MAP7D2: variants seen among roughly 807,000 people sequenced by gnomAD.
The protein encoded by MAP7D2 is MAP7 domain-containing protein 2.
A neutral mutation model predicts 63.5 loss-of-function variants in MAP7D2; 33 were observed. The ratio of observed to expected loss-of-function variants is 0.52; its 90% confidence interval spans 0.39 to 0.70. The LOEUF (loss-of-function observed/expected upper bound fraction) is 0.70, where lower values mean the gene tolerates loss of function less well. MAP7D2 is among the 30% of genes least tolerant of loss of function. The pLI is 0.00. For missense variants in MAP7D2, 626 were observed against 604.0 expected (o/e 1.04, Z -0.38); for synonymous variants, 224 against 223.7 (o/e 1.00, Z -0.01).
chrX:20,039,824 C>A (rs1381386404), intron 8 of MAP7D2, among the ~76,000 whole-genome samples: 1 of 109,758 alleles, frequency 9.1e-6, no homozygotes, highest in Admixed American at 9.7e-5. Context: ...TGTGGTGAAA[C>A]CCCGTCTCTA....
chrX:20,103,300 C>A (rs1364251208), intron 1 of MAP7D2, among the ~76,000 whole-genome samples: 1 of 112,372 alleles, frequency 8.9e-6, no homozygotes, highest in Non-Finnish European at 1.9e-5. Context: ...CCAGTTTTTA[C>A]TCTTCAGTTG....
At chrX:20,037,255 G>A (rs767755590) in intron 8 of MAP7D2, among the ~76,000 whole-genome samples, 1 of 111,400 alleles carries the variant, frequency 9.0e-6, no homozygotes, top group African/African-American at 3.3e-5. Context: ...GACCTATCTA[G>A]CCATAAAGTG....
At chrX:20,044,343 G>A (rs2064738757) in intron 7 of MAP7D2, 21 bp downstream of exon 7, 4 of 1,202,780 alleles carry the variant, frequency 3.3e-6, no homozygotes, top group East Asian at 3.0e-5. Context: ...GGAGTGAGTG[G>A]GTGGGTGGTT....
rs1241307896 is a variant in MAP7D2 at position 20,053,126 on chromosome X, T to C, written c.485-138A>G. The C allele has an allele frequency of 1.3e-5, 6 of 462,618 alleles. No homozygotes were observed. In the South Asian group the frequency reaches 2.0e-4, roughly 15 times the overall value. 38.1% of individuals were successfully genotyped at this position (462,618 alleles called of 1,213,427 possible). A position where few individuals can be genotyped will look rare whatever the true frequency, so the allele number is the denominator to read the frequency against. Reference sequence around the variant, plus strand: ...GGCACAGCATGCTCTGCTTTCATCATCCTGGCATCTCATTATCCTACTCTA... The same window carrying C: ...GGCACAGCATGCTCTGCTTTCATCACCCTGGCATCTCATTATCCTACTCTA... On this transcript the variant is annotated intron_variant, in intron 4 of 16. Coordinates refer to ENST00000379643, the MANE Select transcript of MAP7D2 (RefSeq NM_001168465.2).
chrX:20,065,678 T>G (rs1190011415), intron 1 of MAP7D2, among the ~76,000 whole-genome samples: 2 of 111,673 alleles, frequency 1.8e-5, no homozygotes, highest in East Asian at 5.6e-4. Context: ...TCTTAGTATC[T>G]TAGAATCATC....
At position 20,012,649 on chromosome X, in the gene MAP7D2, T is replaced by A. The variant is rs929112377; in HGVS notation, c.1886-114A>T. The A allele has an allele frequency of 4.9e-6, 3 of 617,759 alleles. No homozygotes were observed. The African/African-American group carries it at 6.8e-5, about 14-fold the overall frequency. 50.9% of individuals were successfully genotyped at this position (617,759 alleles called of 1,213,427 possible). A position where few individuals can be genotyped will look rare whatever the true frequency, so the allele number is the denominator to read the frequency against. ...GCTCTGCTTCACTGATACTGCAGCA[T>A]CTTTTGTGGAAAGAGCCACAAATAA... is the stretch of plus-strand genomic sequence containing the variant. On this transcript the variant is annotated intron_variant, in intron 14 of 16. Coordinates refer to ENST00000379643, the MANE Select transcript of MAP7D2 (RefSeq NM_001168465.2).
chrX:20,024,914 A>C (rs750463486), intron 10 of MAP7D2, 37 bp downstream of exon 10: 2 of 1,193,943 alleles, frequency 1.7e-6, no homozygotes, highest in Non-Finnish European at 1.1e-6. Flanking sequence ...CACAACAGTT[A>C]CATGAGATCA....
intron 4 of MAP7D2, chrX:20,055,819 AT>A: frequency 1.0e-6 from 1 of 984,028 alleles, no homozygotes; most frequent in African/African-American, 2.0e-5. Flanking sequence ...GGGGTGGGGT[AT>A]TTTCTGATTC....
intron 6 of MAP7D2, among the ~76,000 whole-genome samples, chrX:20,050,569 C>G (rs925986541): frequency 8.9e-6 from 1 of 111,856 alleles, no homozygotes; most frequent in African/African-American, 3.3e-5. Flanking sequence ...AGTCTACTAA[C>G]CTCCAGAGTT....
At chrX:20,105,837 C>T (rs957169943) in intron 1 of MAP7D2, among the ~76,000 whole-genome samples, 4 of 112,186 alleles carry the variant, frequency 3.6e-5, no homozygotes, top group African/African-American at 1.3e-4. Flanking sequence ...TTTTTCAATA[C>T]CATGCTTTCT....
intron 1 of MAP7D2, among the ~76,000 whole-genome samples, chrX:20,101,776 T>C (rs775607654): frequency 1.8e-5 from 2 of 112,075 alleles, no homozygotes; most frequent in South Asian, 7.4e-4. Context: ...AGACATAATG[T>C]CAAGTGAAAA....
intron 5 of MAP7D2, among the ~76,000 whole-genome samples, chrX:20,052,188 T>C (rs1328501856): frequency 8.9e-6 from 1 of 112,490 alleles, no homozygotes; most frequent in Non-Finnish European, 1.9e-5. Context: ...ATTTAGTGCA[T>C]GGAGAGCTTC....
At chrX:20,116,643 C>G (rs747585844) in intron 1 of MAP7D2, 107 bp downstream of exon 1, 2 of 1,031,459 alleles carry the variant, frequency 1.9e-6, no homozygotes, top group South Asian at 6.1e-5. Context: ...AGCTCTGCGC[C>G]GTGCCCCTTC....
intron 6 of MAP7D2, among the ~76,000 whole-genome samples, chrX:20,047,746 G>T (rs1205758766): frequency 9.1e-6 from 1 of 109,609 alleles, no homozygotes; most frequent in Non-Finnish European, 1.9e-5. Flanking sequence ...AGCCTAGGAG[G>T]TTGAGGCCAC....
intron 1 of MAP7D2, among the ~76,000 whole-genome samples, chrX:20,069,068 G>T (rs2065431480): frequency 8.9e-6 from 1 of 112,061 alleles, no homozygotes; most frequent in African/African-American, 3.2e-5. Flanking sequence ...TTTATCAGCA[G>T]TGTGAAAATA....
In MAP7D2 at chrX:20,012,352, A is replaced by T. The variant is rs764596048; in HGVS notation, c.2069T>A (p.Val690Glu). 148 of 1,183,647 alleles carry T rather than the reference A, an allele frequency of 1.3e-4. No individual in the cohort carries two copies. The highest frequency in any genetic ancestry group is 2.4e-4 in the Middle Eastern group (1 of 4,205). Residue 690 changes from valine (V) to glutamate (E), a missense_variant, in exon 15 of 17, where the codon GTG becomes GAG. Physicochemically the swap from Val to Glu is moderately radical, Grantham distance 121. Transcript: ENST00000379643. ...DSTEEVQSMD[V>E]SPVSKEELIS... The stretch of plus-strand genomic sequence containing the variant: ...AATGCAAAAGAAATGAATATACCTC[A>T]CATCCATAGACTGAACTTCTTCAGT...
chrX:20,111,423 C>A (rs1173234657), intron 1 of MAP7D2, among the ~76,000 whole-genome samples: 1 of 111,920 alleles, frequency 8.9e-6, no homozygotes. Flanking sequence ...AGGGTAAAAG[C>A]GCGTCTTAGA....
chrX:20,032,756 C>T (rs1358107954), intron 8 of MAP7D2, among the ~76,000 whole-genome samples: 1 of 112,015 alleles, frequency 8.9e-6, no homozygotes. Flanking sequence ...GAGTTTATCT[C>T]TCCATCCCAT....
chrX:20,042,675 C>A (rs1263314368), intron 7 of MAP7D2, 46 bp from the exon 8 acceptor site: 1 of 1,196,524 alleles, frequency 8.4e-7, no homozygotes, highest in Admixed American at 2.2e-5. Flanking sequence ...GGCACTACTT[C>A]CACAATTTAT....
Sources: gnomAD v4.1 joint callset for allele counts (sites outside exome capture counted in the v4.1 genomes callset) on GRCh38, gnomAD v4.1.1 for gene constraint, MANE v1.5 for transcripts, NCBI Gene and HGNC (gene_info 2026-07-23, HGNC 2026-07-21) for gene names.